The following DPP10 variants were observed in gnomAD, a reference collection of about 807,000 sequenced individuals.
DPP10 encodes inactive dipeptidyl peptidase 10.
Under a neutral mutation model 120.9 loss-of-function variants are expected in DPP10, and 33 were observed. The observed-to-expected ratio is 0.27, with a 90% CI of 0.21 to 0.37. The LOEUF is 0.37. Among genes scored for constraint, DPP10 ranks in the 10% least tolerant of loss-of-function variants. The pLI, the probability that DPP10 is intolerant of heterozygous loss-of-function variation, is 1.00. For missense variants in DPP10, 816 were observed against 942.8 expected (o/e 0.87, Z 1.76); for synonymous variants, 337 against 326.1 (o/e 1.03, Z -0.36).
chr2:115,842,159 A>T (rs1690216214), intron 25 of DPP10, 52 bp from the exon 26 acceptor site: 1 of 1,505,516 alleles, frequency 6.6e-7, no homozygotes, highest in Non-Finnish European at 9.0e-7. Context: ...TGAATGCGAG[A>T]GACAATAGCT....
chr2:114,601,835 G>C (rs985941454), intron 1 of DPP10, among the ~76,000 whole-genome samples: 1 of 151,884 alleles, frequency 6.6e-6, no homozygotes, highest in East Asian at 1.9e-4. Flanking sequence ...TCATAGTTGG[G>C]AGTGCCACTA....
chr2:115,711,400 T>C (rs2092310143), intron 7 of DPP10, among the ~76,000 whole-genome samples: 1 of 152,132 alleles, frequency 6.6e-6, no homozygotes, highest in African/African-American at 2.4e-5. Flanking sequence ...CTACAGTGGC[T>C]ACGTATTTGC....
intron 1 of DPP10, among the ~76,000 whole-genome samples, chr2:115,055,941 A>G (rs868126874): frequency 2.0e-5 from 3 of 152,250 alleles, no homozygotes; most frequent in Admixed American, 2.0e-4. Flanking sequence ...ATCATGCAGC[A>G]TGTAAAACAT....
chr2:115,319,116 G>A (rs1290971886), intron 2 of DPP10, among the ~76,000 whole-genome samples: 1 of 152,026 alleles, frequency 6.6e-6, no homozygotes, highest in Non-Finnish European at 1.5e-5. Flanking sequence ...TATAAGGAGT[G>A]TTGGATATTG....
intron 1 of DPP10, among the ~76,000 whole-genome samples, chr2:114,936,162 C>T (rs1696450576): frequency 6.6e-6 from 1 of 151,920 alleles, no homozygotes; most frequent in African/African-American, 2.4e-5. Flanking sequence ...TCCCCAAGTC[C>T]CCGAAGTCCA....
intron 1 of DPP10, chr2:115,162,318 G>A (rs1337726999): frequency 3.4e-6 from 5 of 1,471,742 alleles, no homozygotes; most frequent in Non-Finnish European, 4.5e-6. Flanking sequence ...GCGGCCCACC[G>A]AGGGAGGGAG....
chr2:114,520,831 TC>T (rs1299668187), intron 1 of DPP10, among the ~76,000 whole-genome samples: 3 of 152,252 alleles, frequency 2.0e-5, no homozygotes, highest in East Asian at 3.9e-4. Context: ...ACCAAGATGA[TC>T]CAAAGGGGAT....
At chr2:114,842,272 G>A (rs1688218037) in intron 1 of DPP10, among the ~76,000 whole-genome samples, 1 of 152,064 alleles carries the variant, frequency 6.6e-6, no homozygotes, top group African/African-American at 2.4e-5. Flanking sequence ...TTACCAGAAG[G>A]CACTAATGGC....
chr2:114,635,262 G>T (rs1355982171), intron 1 of DPP10, among the ~76,000 whole-genome samples: 4 of 151,744 alleles, frequency 2.6e-5, no homozygotes, highest in Non-Finnish European at 5.9e-5. Flanking sequence ...CCTCTTAATA[G>T]CATGGTCTAA....
chr2:115,126,808 C>T (rs1393587908), intron 1 of DPP10, among the ~76,000 whole-genome samples: 1 of 152,156 alleles, frequency 6.6e-6, no homozygotes, highest in Non-Finnish European at 1.5e-5. Flanking sequence ...TTTGTTCCCA[C>T]TGCTACAGAA....
At chr2:115,068,166 A>T (rs1707077827) in intron 1 of DPP10, among the ~76,000 whole-genome samples, 2 of 152,048 alleles carry the variant, frequency 1.3e-5, no homozygotes, top group African/African-American at 4.8e-5. Flanking sequence ...TAGCTGTAAC[A>T]ATTTACAATC....
chr2:115,213,080 A>C (rs1026229982), intron 1 of DPP10, among the ~76,000 whole-genome samples: 1 of 152,170 alleles, frequency 6.6e-6, no homozygotes, highest in Non-Finnish European at 1.5e-5. Context: ...GGGCTATAAC[A>C]TGTACATTTG....
At chr2:115,195,204 T>G (rs1458232896) in intron 1 of DPP10, among the ~76,000 whole-genome samples, 4 of 152,184 alleles carry the variant, frequency 2.6e-5, no homozygotes, top group Non-Finnish European at 4.4e-5. Context: ...GTGGGTGGCT[T>G]TCAAGATAGT....
At chr2:115,225,063 G>A (rs981665032) in intron 1 of DPP10, among the ~76,000 whole-genome samples, 3 of 152,142 alleles carry the variant, frequency 2.0e-5, no homozygotes, top group South Asian at 4.1e-4. Context: ...TATTTTAAAT[G>A]TTCTGGATTT....
At chr2:115,327,590 T>C (rs1395700539) in intron 2 of DPP10, among the ~76,000 whole-genome samples, 3 of 152,038 alleles carry the variant, frequency 2.0e-5, no homozygotes, top group Non-Finnish European at 2.9e-5. Flanking sequence ...ATCTGAATAA[T>C]TGTAGTTTGT....
At chr2:114,902,299 T>C (rs1204665438) in intron 1 of DPP10, among the ~76,000 whole-genome samples, 1 of 152,184 alleles carries the variant, frequency 6.6e-6, no homozygotes, top group East Asian at 1.9e-4. Flanking sequence ...CAAATGGATG[T>C]CTAATTCTTC....
chr2:114,952,656 C>T (rs1432263608), intron 1 of DPP10, among the ~76,000 whole-genome samples: 3 of 152,156 alleles, frequency 2.0e-5, no homozygotes, highest in African/African-American at 7.2e-5. Flanking sequence ...TTAAGAGCTC[C>T]TGGTGTCTGT....
intron 1 of DPP10, among the ~76,000 whole-genome samples, chr2:115,181,334 G>C (rs12711820): frequency 0.5 from 75,958 of 151,970 alleles, 19,585 homozygotes; most frequent in East Asian, 0.75. Context: ...TTAAAACAAC[G>C]ATTTTATTTC....
chr2:115,166,891 C>G (rs1053765751), intron 1 of DPP10, among the ~76,000 whole-genome samples: 1 of 152,096 alleles, frequency 6.6e-6, no homozygotes, highest in South Asian at 2.1e-4. Flanking sequence ...AGCTTTACTA[C>G]TTATAGGCAC....
Sources: allele counts gnomAD v4.1 joint callset (sites outside exome capture counted in the v4.1 genomes callset), GRCh38; gene constraint gnomAD v4.1.1; transcripts MANE v1.5; gene names NCBI Gene and HGNC (gene_info 2026-07-23, HGNC 2026-07-21).